Variants in CNTNAP5 observed in about 807,000 individuals in gnomAD.
CNTNAP5 encodes the protein contactin associated protein family member 5.
CNTNAP5 carries 72 observed loss-of-function variants against 150.2 expected under a neutral mutation model. The ratio of observed to expected loss-of-function variants is 0.48; its 90% CI spans 0.40 to 0.58. CNTNAP5 has a LOEUF of 0.58. CNTNAP5 is among the 20% of genes least tolerant of loss of function. The pLI is 0.00. For synonymous variants in CNTNAP5, 672 were observed against 619.8 expected (o/e 1.08, Z -1.25); for missense variants, 1,636 against 1,626.2 (o/e 1.01, Z -0.10).
chr2:124,437,843 T>G (rs999101483), intron 5 of CNTNAP5, among the ~76,000 whole-genome samples: 1 of 152,142 alleles, frequency 6.6e-6, no homozygotes, highest in African/African-American at 2.4e-5. Flanking sequence ...ATAGTGCTGG[T>G]CAAATAAAGG....
intron 5 of CNTNAP5, 57 bp from the exon 6 acceptor site, chr2:124,446,696 G>C: frequency 6.5e-7 from 1 of 1,537,628 alleles, no homozygotes; most frequent in Admixed American, 1.8e-5. Flanking sequence ...GAGCATTCTG[G>C]TGTGCAAAGC....
chr2:124,807,131 C>T lies in CNTNAP5; in HGVS notation c.3217+8811C>T, dbSNP rs1360424410. 2.0e-5 allele frequency among the ~76,000 whole-genome samples: 3 copies of T among 152,022 alleles called. No homozygotes were observed. In the East Asian group the frequency reaches 5.8e-4, roughly 29 times the overall value. On this transcript the variant is annotated intron_variant, in intron 19 of 23. Coordinates refer to ENST00000682447, the MANE Select transcript of CNTNAP5 (RefSeq NM_001367498.1). ...ATGTGAAACAAATTCAATGAAAGGC[C>T]TGAGCTCAGGGCTTATTCGGTTCTC... is the stretch of plus-strand genomic sequence containing the variant.
At chr2:124,109,570 G>A (rs1453111541) in intron 1 of CNTNAP5, among the ~76,000 whole-genome samples, 1 of 152,162 alleles carries the variant, frequency 6.6e-6, no homozygotes, top group East Asian at 1.9e-4. Flanking sequence ...CATCCTTCTT[G>A]GACTGGGAAG....
chr2:124,575,994 T>C (rs1696274019), intron 11 of CNTNAP5, among the ~76,000 whole-genome samples: 1 of 152,212 alleles, frequency 6.6e-6, no homozygotes, highest in South Asian at 2.1e-4. Context: ...AGGATCCTGC[T>C]TTTTATTTAA....
chr2:124,852,388 A>T (rs539219490), intron 19 of CNTNAP5, among the ~76,000 whole-genome samples: 54 of 152,282 alleles, frequency 3.5e-4, no homozygotes, highest in African/African-American at 1.3e-3. Context: ...TGCAGAGAAA[A>T]GCAGGAATAA....
intron 4 of CNTNAP5, among the ~76,000 whole-genome samples, chr2:124,422,527 CT>C (rs988765210): frequency 1.8e-4 from 27 of 152,224 alleles, no homozygotes; most frequent in African/African-American, 6.5e-4. Context: ...TCTGCTTCCC[CT>C]GACTCGACAA....
At chr2:124,458,918 G>A (rs1392438141) in intron 6 of CNTNAP5, among the ~76,000 whole-genome samples, 1 of 152,118 alleles carries the variant, frequency 6.6e-6, no homozygotes, top group East Asian at 1.9e-4. Context: ...AATATACCAT[G>A]TTGACATGGA....
intron 3 of CNTNAP5, among the ~76,000 whole-genome samples, chr2:124,369,346 T>G (rs1377009657): frequency 6.6e-6 from 1 of 152,138 alleles, no homozygotes; most frequent in African/African-American, 2.4e-5. Flanking sequence ...GTCAATTATG[T>G]GGTTTTAGCT....
chr2:124,062,816 GGTTT>G (rs1400830284), intron 1 of CNTNAP5, among the ~76,000 whole-genome samples: 2 of 151,924 alleles, frequency 1.3e-5, no homozygotes, highest in African/African-American at 2.4e-5. Context: ...TTTTTGGTGT[GGTTT>G]GTTTGTTTGT....
intron 12 of CNTNAP5, among the ~76,000 whole-genome samples, chr2:124,622,142 C>G (rs1374260428): frequency 6.6e-6 from 1 of 151,354 alleles, no homozygotes; most frequent in African/African-American, 2.4e-5. Context: ...TTGACAAGCT[C>G]CAGTGTGTGT....
chr2:124,510,301 C>CTATATATATATATCTATATATCTA (rs368230554), intron 8 of CNTNAP5, among the ~76,000 whole-genome samples: 64,555 of 105,494 alleles, frequency 0.61, 22,193 homozygotes, highest in East Asian at 0.79. Context: ...ATCTATATAT[C>CTATATATATATATCTATATATCTA]TATATATATA....
intron 12 of CNTNAP5, 118 bp from the exon 13 acceptor site, chr2:124,647,640 A>G: frequency 2.3e-6 from 2 of 861,448 alleles, no homozygotes; most frequent in Non-Finnish European, 3.5e-6. Context: ...CCTACTCTCC[A>G]TACGGTACCG....
At chr2:124,138,065 A>G (rs1377221964) in intron 1 of CNTNAP5, among the ~76,000 whole-genome samples, 1 of 152,178 alleles carries the variant, frequency 6.6e-6, no homozygotes. Flanking sequence ...TGTTACCTCA[A>G]AGAGAAAGTT....
chr2:124,702,944 C>G (rs1018261413), intron 13 of CNTNAP5, among the ~76,000 whole-genome samples: 2 of 152,092 alleles, frequency 1.3e-5, no homozygotes, highest in Non-Finnish European at 2.9e-5. Context: ...ATCTGATATG[C>G]TTATTTCAAC....
intron 3 of CNTNAP5, among the ~76,000 whole-genome samples, chr2:124,406,822 A>C (rs1286245700): frequency 2.0e-5 from 3 of 152,156 alleles, no homozygotes; most frequent in African/African-American, 7.2e-5. Flanking sequence ...ACATGTTTGT[A>C]CCCATTAACC....
chr2:124,734,390 G>C (rs1680338527), intron 13 of CNTNAP5, among the ~76,000 whole-genome samples: 1 of 151,996 alleles, frequency 6.6e-6, no homozygotes, highest in Admixed American at 6.6e-5. Context: ...GTGTGAAGCA[G>C]GGTAAACAAA....
At chr2:124,383,290 CATT>C in intron 3 of CNTNAP5, among the ~76,000 whole-genome samples, 1 of 152,172 alleles carries the variant, frequency 6.6e-6, no homozygotes, top group Non-Finnish European at 1.5e-5. Flanking sequence ...TTGGAGCAAA[CATT>C]AGTATTAGAC....
intron 1 of CNTNAP5, among the ~76,000 whole-genome samples, chr2:124,193,804 C>A (rs1030524086): frequency 6.6e-6 from 1 of 152,080 alleles, no homozygotes; most frequent in African/African-American, 2.4e-5. Flanking sequence ...TGAGGTTTGA[C>A]TCTTTAGCAG....
At chr2:124,792,712 A>C (rs565028121) in intron 18 of CNTNAP5, among the ~76,000 whole-genome samples, 1 of 152,190 alleles carries the variant, frequency 6.6e-6, no homozygotes, top group East Asian at 1.9e-4. Flanking sequence ...CCTGGAAACC[A>C]CTAATCTACT....
Sources: gnomAD v4.1 joint callset for allele counts (sites outside exome capture counted in the v4.1 genomes callset) on GRCh38, gnomAD v4.1.1 for gene constraint, MANE v1.5 for transcripts, NCBI Gene and HGNC (gene_info 2026-07-23, HGNC 2026-07-21) for gene names.